The following PLAC1 variants were observed in gnomAD, a reference collection of about 807,000 sequenced individuals.
The protein encoded by PLAC1 is placenta associated 1, also known as placenta-specific protein 1.
For missense variants in PLAC1, 136 were observed against 163.2 expected (o/e 0.83, Z 0.91); for synonymous variants, 68 against 62.1 (o/e 1.09, Z -0.44).
At chrX:134,626,332 G>C (rs1027233549) in intron 1 of PLAC1, among the ~76,000 whole-genome samples, 6 of 112,478 alleles carry the variant, frequency 5.3e-5, no homozygotes, top group Non-Finnish European at 1.9e-5. Context: ...GGACACTTCT[G>C]TTTTGTTCAA....
chrX:134,605,937 G>A (rs1212209671), intron 1 of PLAC1: 2 of 111,837 alleles, frequency 1.8e-5, no homozygotes, highest in African/African-American at 6.5e-5. Flanking sequence ...TTCCTGGGTT[G>A]GCCAATAGAA....
intron 1 of PLAC1, among the ~76,000 whole-genome samples, chrX:134,622,208 A>G (rs1029916937): frequency 8.9e-5 from 10 of 112,024 alleles, no homozygotes; most frequent in African/African-American, 2.3e-4. Context: ...TAGAAAAAAG[A>G]AAGGAAACAT....
In PLAC1 at chrX:134,629,968, C is replaced by CTT. The variant is rs368081621; in HGVS notation, c.-130-27848_-130-27847dup. Among the ~76,000 whole-genome samples, 235 of 89,858 alleles carry CTT rather than the reference C, an allele frequency of 2.6e-3. 2 individuals carry two copies. The highest frequency in any genetic ancestry group is 0.024 in the East Asian group (59 of 2,416). The allele number at this position is 89,858 out of a possible 115,157, so 78.0% of individuals were successfully genotyped here. A position where few individuals can be genotyped will look rare whatever the true frequency, so the allele number is the denominator to read the frequency against. ...TTTCTTTCTTTCTTCCTCTTCTTCC[C>CTT]TTTTTTTTTTTTTTTTTTTTGAGAC... On this transcript the variant is annotated intron_variant, in intron 1 of 2. Coordinates refer to ENST00000359237, the MANE Select transcript of PLAC1 (RefSeq NM_021796.4).
intron 1 of PLAC1, among the ~76,000 whole-genome samples, chrX:134,741,855 G>T (rs2078717819): frequency 9.0e-6 from 1 of 111,222 alleles, no homozygotes; most frequent in African/African-American, 3.3e-5. Context: ...TTTTGAACGT[G>T]CACTCTCCTC....
At chrX:134,683,830 C>T (rs1284872261) in intron 2 of PLAC1, among the ~76,000 whole-genome samples, 1 of 112,346 alleles carries the variant, frequency 8.9e-6, no homozygotes, top group Non-Finnish European at 1.9e-5. Context: ...TTTGTGCCAA[C>T]ATCAGTCTGT....
Position 134,566,316 on chromosome X carries a change from A to G in PLAC1, c.367T>C (p.Trp123Arg). The G allele has an allele frequency of 2.5e-6, 3 of 1,211,891 alleles. No homozygotes were observed. In the South Asian group the frequency reaches 5.3e-5, roughly 21 times the overall value. The change falls in exon 3 of 3, where the codon TGG becomes CGG. Residue 123 changes from tryptophan (W) to arginine (R), a missense_variant. By Grantham distance (101) the Trp-to-Arg change is moderately radical. Transcript: ENST00000359237. ...VSCAAPQKSP[W>R]LTKPCSMRVA... is the part of the protein sequence containing the mutation. Reference sequence around the variant, plus strand: ...CTCATGGAGCAGGGCTTGGTGAGCCATGGGGACTTTTGGGGGGCAGCACAT... The same window carrying G: ...CTCATGGAGCAGGGCTTGGTGAGCCGTGGGGACTTTTGGGGGGCAGCACAT...
intron 1 of PLAC1, chrX:134,604,692 G>GT (rs1483446161): frequency 3.6e-5 from 4 of 111,836 alleles, no homozygotes; most frequent in African/African-American, 1.3e-4. Context: ...CAAGCTAAAA[G>GT]TATGTGTTTT....
intron 1 of PLAC1, among the ~76,000 whole-genome samples, chrX:134,630,238 T>A (rs1228924518): frequency 8.9e-6 from 1 of 111,970 alleles, no homozygotes; most frequent in Non-Finnish European, 1.9e-5. Context: ...CCCAAAGTGC[T>A]GGGATTACAG....
intron 2 of PLAC1, among the ~76,000 whole-genome samples, chrX:134,720,880 ACTC>A (rs2078655452): frequency 9.0e-6 from 1 of 111,106 alleles, no homozygotes; most frequent in South Asian, 3.8e-4. Flanking sequence ...CTGTTCTCAA[ACTC>A]CTGGGCTCAA....
chrX:134,702,396 C>T (rs1404096352), intron 2 of PLAC1, among the ~76,000 whole-genome samples: 3 of 112,075 alleles, frequency 2.7e-5, no homozygotes, highest in African/African-American at 6.5e-5. Flanking sequence ...GCATATACAC[C>T]ATGGAATACT....
chrX:134,614,058 C>T (rs138792683), intron 1 of PLAC1, among the ~76,000 whole-genome samples: 301 of 110,359 alleles, frequency 2.7e-3, no homozygotes, highest in Non-Finnish European at 4.0e-3. Flanking sequence ...TATCTGCCTG[C>T]CACACTGCTT....
At chrX:134,610,901 C>G (rs775452098) in intron 1 of PLAC1, among the ~76,000 whole-genome samples, 1 of 111,773 alleles carries the variant, frequency 8.9e-6, no homozygotes, top group East Asian at 2.8e-4. Flanking sequence ...GATCAAGGCT[C>G]ATGCAAACCT....
chrX:134,724,988 C>A (rs1266883244), intron 2 of PLAC1, among the ~76,000 whole-genome samples: 1 of 104,008 alleles, frequency 9.6e-6, no homozygotes, highest in Non-Finnish European at 2.0e-5. Context: ...GGCGACAGAG[C>A]GAGACCCTGT....
At chrX:134,592,720 CTTT>C (rs141372595) in intron 2 of PLAC1, among the ~76,000 whole-genome samples, 631 of 61,391 alleles carry the variant, frequency 0.01, 8 homozygotes, top group African/African-American at 0.036. Flanking sequence ...CTCTGTGTCT[CTTT>C]TTTTTTTTTT....
At chrX:134,740,060 G>A (rs1159109285) in intron 1 of PLAC1, among the ~76,000 whole-genome samples, 3 of 112,079 alleles carry the variant, frequency 2.7e-5, no homozygotes, top group Non-Finnish European at 5.6e-5. Context: ...GCTCATGCCT[G>A]TAATCCCAGC....
chrX:134,665,319 C>A (rs1207067138), intron 2 of PLAC1, among the ~76,000 whole-genome samples: 2 of 111,811 alleles, frequency 1.8e-5, no homozygotes, highest in African/African-American at 6.5e-5. Flanking sequence ...TGGCATCATA[C>A]AACATGTATT....
intron 1 of PLAC1, among the ~76,000 whole-genome samples, chrX:134,742,814 TC>T: frequency 9.0e-6 from 1 of 111,019 alleles, no homozygotes. Flanking sequence ...GTCCTGTCTT[TC>T]CCCTTTTAGG....
chrX:134,586,947 T>G (rs2078005880), intron 2 of PLAC1, among the ~76,000 whole-genome samples: 1 of 107,535 alleles, frequency 9.3e-6, no homozygotes, highest in Admixed American at 1.0e-4. Context: ...CCTGCCCGCC[T>G]TAAGCCTCCC....
At chrX:134,678,183 G>A (rs886391643) in intron 2 of PLAC1, among the ~76,000 whole-genome samples, 21 of 110,896 alleles carry the variant, frequency 1.9e-4, no homozygotes, top group African/African-American at 4.9e-4. Flanking sequence ...CTGTAGACTC[G>A]GTCTAATGGT....
Sources: allele counts gnomAD v4.1 joint callset (sites outside exome capture counted in the v4.1 genomes callset), GRCh38; gene constraint gnomAD v4.1.1; transcripts MANE v1.5; gene names NCBI Gene and HGNC (gene_info 2026-07-23, HGNC 2026-07-21).